CNTN4: variants seen among roughly 807,000 people sequenced by gnomAD.
The protein encoded by CNTN4 is contactin-4.
A neutral mutation model predicts 122.5 loss-of-function variants in CNTN4; 77 were observed. That is an observed-to-expected ratio of 0.63 (90% CI 0.52 to 0.76). The LOEUF (loss-of-function observed/expected upper bound fraction) is 0.76. Among genes scored for constraint, CNTN4 ranks in the 30% least tolerant of loss-of-function variants. The probability of loss-of-function intolerance (pLI) is 0.00; values close to 1 mark genes in which losing one functional copy is unlikely to be tolerated. For synonymous variants in CNTN4, 512 were observed against 447.0 expected, an observed-to-expected ratio of 1.15 and a Z score of -1.83; for missense variants, 1,256 against 1,259.1, an observed-to-expected ratio of 1.00 and a Z score of 0.04.
intron 3 of CNTN4, among the ~76,000 whole-genome samples, chr3:2,431,132 G>C (rs569753664): frequency 3.9e-5 from 6 of 152,130 alleles, no homozygotes; most frequent in Admixed American, 6.6e-5. Context: ...AGCTTTGTTT[G>C]TAATATGAAA....
At chr3:2,535,943 G>A (rs887660795) in intron 3 of CNTN4, among the ~76,000 whole-genome samples, 1 of 152,060 alleles carries the variant, frequency 6.6e-6, no homozygotes, top group Non-Finnish European at 1.5e-5. Flanking sequence ...TTTTCCCAAA[G>A]CTGTGTTTTT....
At chr3:2,993,552 G>A (rs1401035999) in intron 14 of CNTN4, among the ~76,000 whole-genome samples, 2 of 151,138 alleles carry the variant, frequency 1.3e-5, no homozygotes, top group Admixed American at 6.6e-5. Flanking sequence ...TGCCCGCCTC[G>A]GCCTCCCAAA....
intron 6 of CNTN4, among the ~76,000 whole-genome samples, chr3:2,806,602 C>T (rs375064254): frequency 7.9e-5 from 12 of 152,340 alleles, no homozygotes; most frequent in Non-Finnish European, 1.8e-4. Flanking sequence ...GTTTCTCCCA[C>T]TTCTTCAGCA....
intron 4 of CNTN4, among the ~76,000 whole-genome samples, chr3:2,632,064 GCACACA>G (rs35316929): frequency 4.9e-5 from 7 of 144,016 alleles, no homozygotes; most frequent in African/African-American, 1.8e-4. Flanking sequence ...ATACACATAC[GCACACA>G]CACACACACA....
rs1455784117 is a variant in CNTN4, at chr3:3,034,731, C to T, written c.1883C>T (p.Thr628Ile). ...RPGPDNHSPI[T>I]MYVIQARTPF... is the part of the protein sequence containing the mutation. ...GGGCCTGACAACCACAGCCCCATCA[C>T]CATGTATGTCATTCAAGCCAGGACT... The change falls in exon 17 of 25, where the codon ACC becomes ATC. Residue 628 changes from threonine (T) to isoleucine (I), a missense_variant. Thr to Ile is a moderately conservative substitution (Grantham distance 89). Coordinates refer to ENST00000418658, the MANE Select transcript of CNTN4 (RefSeq NM_175607.3). 2.5e-6 allele frequency: 4 copies of T among 1,614,052 alleles called. No individual in the cohort carries two copies. The highest frequency in any genetic ancestry group is 2.2e-5 in the South Asian group (2 of 91,078).
intron 12 of CNTN4, among the ~76,000 whole-genome samples, chr3:2,916,925 C>T (rs1173551180): frequency 2.7e-5 from 4 of 146,960 alleles, no homozygotes; most frequent in South Asian, 2.2e-4. Flanking sequence ...GCTGCAGTCT[C>T]GGCACTTTGG....
At chr3:2,792,329 G>T (rs910359025) in intron 6 of CNTN4, among the ~76,000 whole-genome samples, 1 of 152,084 alleles carries the variant, frequency 6.6e-6, no homozygotes. Context: ...AACAATCTTC[G>T]TGATAATGGC....
At chr3:2,622,819 CT>C (rs2082040999) in intron 4 of CNTN4, among the ~76,000 whole-genome samples, 1 of 152,140 alleles carries the variant, frequency 6.6e-6, no homozygotes, top group African/African-American at 2.4e-5. Flanking sequence ...GATCACGCAG[CT>C]GGTGTGGAAA....
At chr3:2,412,897 A>T (rs1208541950) in intron 3 of CNTN4, among the ~76,000 whole-genome samples, 1 of 152,244 alleles carries the variant, frequency 6.6e-6, no homozygotes, top group Non-Finnish European at 1.5e-5. Flanking sequence ...TTTAAAAAAT[A>T]AAAAAGGATA....
chr3:2,497,474 A>G (rs1025647186), intron 3 of CNTN4, among the ~76,000 whole-genome samples: 4 of 152,216 alleles, frequency 2.6e-5, no homozygotes, highest in African/African-American at 9.6e-5. Flanking sequence ...CTTGACTTGT[A>G]TAATGAACCA....
At chr3:2,363,045 G>T (rs1169888773) in intron 3 of CNTN4, among the ~76,000 whole-genome samples, 1 of 152,006 alleles carries the variant, frequency 6.6e-6, no homozygotes, top group Non-Finnish European at 1.5e-5. Flanking sequence ...AGGATCTTAT[G>T]ATCCATTAAT....
intron 6 of CNTN4, among the ~76,000 whole-genome samples, chr3:2,809,856 C>G (rs1161765122): frequency 5.9e-5 from 9 of 152,018 alleles, no homozygotes; most frequent in African/African-American, 2.2e-4. Flanking sequence ...TCTTTGGCCT[C>G]TTAAATAGCA....
chr3:2,845,009 A>G (rs2093430309), intron 7 of CNTN4, among the ~76,000 whole-genome samples: 1 of 152,208 alleles, frequency 6.6e-6, no homozygotes, highest in Non-Finnish European at 1.5e-5. Context: ...AAACCAGTTT[A>G]TGCCAGTTTC....
At chr3:3,009,482 G>A (rs1696977938) in intron 14 of CNTN4, among the ~76,000 whole-genome samples, 1 of 151,410 alleles carries the variant, frequency 6.6e-6, no homozygotes, top group South Asian at 2.1e-4. Context: ...CGCCCAGGCT[G>A]GAGTGCAGTG....
chr3:2,355,982 C>A (rs1245899861), intron 3 of CNTN4, among the ~76,000 whole-genome samples: 1 of 152,200 alleles, frequency 6.6e-6, no homozygotes, highest in Non-Finnish European at 1.5e-5. Flanking sequence ...TTCCAGACCT[C>A]CCCTCAGTTG....
intron 24 of CNTN4, among the ~76,000 whole-genome samples, chr3:3,054,908 G>C (rs1701645300): frequency 6.6e-6 from 1 of 152,166 alleles, no homozygotes; most frequent in Admixed American, 6.6e-5. Context: ...ACTTTCACAG[G>C]CTTTCAGATT....
At chr3:2,937,964 A>C (rs1256113414) in intron 13 of CNTN4, among the ~76,000 whole-genome samples, 1 of 152,242 alleles carries the variant, frequency 6.6e-6, no homozygotes, top group Non-Finnish European at 1.5e-5. Context: ...TGTAGCATTT[A>C]GATGGAAGAG....
intron 2 of CNTN4, among the ~76,000 whole-genome samples, chr3:2,311,500 A>G (rs550098081): frequency 1.3e-5 from 2 of 152,216 alleles, no homozygotes; most frequent in South Asian, 2.1e-4. Flanking sequence ...TTCTTTGCCA[A>G]TCTACTTTTT....
intron 2 of CNTN4, among the ~76,000 whole-genome samples, chr3:2,229,071 AG>A (rs2039390676): frequency 6.6e-6 from 1 of 152,190 alleles, no homozygotes; most frequent in Non-Finnish European, 1.5e-5. Flanking sequence ...ATTGGCCTAT[AG>A]GGACTTTCTC....
Sources: gnomAD v4.1 joint callset for allele counts (sites outside exome capture counted in the v4.1 genomes callset) on GRCh38, gnomAD v4.1.1 for gene constraint, MANE v1.5 for transcripts, NCBI Gene and HGNC (gene_info 2026-07-23, HGNC 2026-07-21) for gene names.